Variants in BMP6 observed in about 807,000 individuals in gnomAD.
BMP6 encodes the protein bone morphogenetic protein 6, also known as VG-1-R.
Under a neutral mutation model 54.1 loss-of-function variants are expected in BMP6, and 17 were observed. The observed-to-expected ratio is 0.31, with a 90% CI of 0.22 to 0.47. The LOEUF (loss-of-function observed/expected upper bound fraction) is 0.47. Among genes scored for constraint, BMP6 ranks in the 20% least tolerant of loss-of-function variants. BMP6 has a pLI of 1.00. For synonymous variants in BMP6, 328 were observed against 291.2 expected (o/e 1.13, Z -1.28); for missense variants, 720 against 690.4 (o/e 1.04, Z -0.48).
chr6:7,823,600 C>T (rs767343515), intron 1 of BMP6, among the ~76,000 whole-genome samples: 17 of 152,146 alleles, frequency 1.1e-4, no homozygotes, highest in Non-Finnish European at 1.0e-4. Context: ...TGACCAGACA[C>T]GCTGTGTTAG....
intron 1 of BMP6, among the ~76,000 whole-genome samples, chr6:7,768,292 A>G (rs1757723835): frequency 1.3e-5 from 2 of 152,172 alleles, no homozygotes; most frequent in Non-Finnish European, 1.5e-5. Flanking sequence ...TTGTGAAAGC[A>G]TGCCCCTCCC....
chr6:7,742,313 A>G (rs1378498989), intron 1 of BMP6, among the ~76,000 whole-genome samples: 2 of 152,190 alleles, frequency 1.3e-5, no homozygotes, highest in Non-Finnish European at 2.9e-5. Flanking sequence ...CTGAGTCTCA[A>G]TTTAAATTTC....
Position 7,727,510 on chromosome 6 carries a change from G to A in BMP6, c.555G>A (p.Lys185=). Residue 185 remains lysine (K), a synonymous_variant, in exon 1 of 7, where the codon AAG becomes AAA. Coordinates refer to ENST00000283147, the MANE Select transcript of BMP6 (RefSeq NM_001718.6). The part of the protein sequence containing the change: ...PPGAAHPLNR[K]SLLAPGSGSG... ...GCGCCGCGCACCCGCTCAACCGCAA[G>A]AGCCTTCTGGCCCCCGGATCTGGCA... 7 of 1,596,906 alleles carry A rather than the reference G, an allele frequency of 4.4e-6. No individual in the cohort carries two copies. The highest frequency in any genetic ancestry group is 5.9e-6 in the Non-Finnish European group (7 of 1,177,798).
intron 2 of BMP6, among the ~76,000 whole-genome samples, chr6:7,850,626 T>G (rs561644578): frequency 1.3e-5 from 2 of 152,312 alleles, no homozygotes; most frequent in South Asian, 2.1e-4. Flanking sequence ...TTTTCCAGAA[T>G]TTTTAGTTTG....
chr6:7,738,529 G>C (rs1310849561), intron 1 of BMP6, among the ~76,000 whole-genome samples: 1 of 151,998 alleles, frequency 6.6e-6, no homozygotes, highest in African/African-American at 2.4e-5. Context: ...TAGCCCTCCC[G>C]CTTCTGTGCC....
chr6:7,755,829 G>A (rs528469724), intron 1 of BMP6, among the ~76,000 whole-genome samples: 22 of 152,214 alleles, frequency 1.4e-4, no homozygotes, highest in Middle Eastern at 3.4e-3. Flanking sequence ...GAGATTGACA[G>A]TATTTATTTC....
chr6:7,837,967 A>T (rs1758900044), intron 1 of BMP6, among the ~76,000 whole-genome samples: 1 of 152,210 alleles, frequency 6.6e-6, no homozygotes, highest in African/African-American at 2.4e-5. Flanking sequence ...GACTCTACAG[A>T]TAAGTCTGCC....
intron 4 of BMP6, among the ~76,000 whole-genome samples, chr6:7,872,293 TAA>T (rs3837027): frequency 9.3e-5 from 13 of 139,806 alleles, no homozygotes; most frequent in East Asian, 2.0e-4. Flanking sequence ...TCAATCTGTT[TAA>T]AAAAAAAAAA....
intron 1 of BMP6, among the ~76,000 whole-genome samples, chr6:7,765,077 C>T (rs1453567123): frequency 6.6e-6 from 1 of 152,214 alleles, no homozygotes; most frequent in African/African-American, 2.4e-5. Context: ...TTCCTCCCTG[C>T]TCCCACTTGC....
rs754995942 is a variant in BMP6, at chr6:7,727,586, G to C, written c.631G>C (p.Asp211His). The C allele has an allele frequency of 6.3e-7, 1 of 1,580,102 alleles. No individual in the cohort carries two copies. Among genetic ancestry groups the C allele is most frequent in the South Asian group, 1.1e-5 (1 of 88,128 alleles). Residue 211 changes from aspartate (D) to histidine (H), a missense_variant, in exon 1 of 7, where the codon GAC (aspartate) becomes CAC (histidine). Coordinates refer to ENST00000283147, the MANE Select transcript of BMP6 (RefSeq NM_001718.6). ...CGCGCAGGACAGCGCCTTCCTCAAC[G>C]ACGCGGACATGGTCATGAGCTTTGT... ...TSAQDSAFLN[D>H]ADMVMSFVNL...
chr6:7,751,523 T>C (rs1317396611), intron 1 of BMP6, among the ~76,000 whole-genome samples: 1 of 152,242 alleles, frequency 6.6e-6, no homozygotes, highest in East Asian at 1.9e-4. Flanking sequence ...TTTCAGAGTA[T>C]ATAATTGGGT....
At chr6:7,876,470 G>A (rs1011792633) in intron 4 of BMP6, among the ~76,000 whole-genome samples, 1 of 152,126 alleles carries the variant, frequency 6.6e-6, no homozygotes, top group African/African-American at 2.4e-5. Flanking sequence ...ATTCCTATTA[G>A]AAATTTGTTG....
At chr6:7,816,302 C>A (rs1247973906) in intron 1 of BMP6, among the ~76,000 whole-genome samples, 2 of 152,186 alleles carry the variant, frequency 1.3e-5, no homozygotes, top group Non-Finnish European at 2.9e-5. Flanking sequence ...AACTTGTGGG[C>A]TCTTCGTTTA....
chr6:7,813,658 AAAAAAAAAAAAC>A lies in BMP6; in HGVS notation c.665-31481_665-31470del, dbSNP rs1209462222. ...ACCCTGTCTCAAAAAAAAAAAAAAA[AAAAAAAAAAAAC>A]CCACCAAACCCAGTATAGAAAATAT... is the stretch of plus-strand genomic sequence containing the variant. On this transcript the variant is annotated intron_variant, in intron 1 of 6. Transcript: ENST00000283147. Among the ~76,000 whole-genome samples, 5 of 144,624 alleles carry A rather than the reference AAAAAAAAAAAAC, an allele frequency of 3.5e-5. 2 individuals are homozygous for A. The highest frequency in any genetic ancestry group is 4.4e-4 in the South Asian group (2 of 4,580). 94.9% of individuals were successfully genotyped at this position (144,624 alleles called of 152,430 possible).
intron 1 of BMP6, among the ~76,000 whole-genome samples, chr6:7,785,545 T>C (rs1385233026): frequency 2.0e-5 from 3 of 152,250 alleles, no homozygotes; most frequent in Non-Finnish European, 4.4e-5. Flanking sequence ...GAGGCACTTT[T>C]GTTTTCAACT....
chr6:7,817,372 A>T (rs1758543740), intron 1 of BMP6, among the ~76,000 whole-genome samples: 1 of 151,966 alleles, frequency 6.6e-6, no homozygotes, highest in Non-Finnish European at 1.5e-5. Flanking sequence ...ATGCACATAT[A>T]CACCATGGAA....
In BMP6 at chr6:7,728,537, A is replaced by T. The variant is rs531577097; in HGVS notation, c.664+918A>T. Among the ~76,000 whole-genome samples, 8 of 152,276 alleles carry T rather than the reference A, an allele frequency of 5.3e-5. No individual in the cohort carries two copies. The South Asian group carries it at 1.7e-3, about 32-fold the overall frequency. On this transcript the variant is annotated intron_variant, in intron 1 of 6. Transcript: ENST00000283147. The stretch of plus-strand genomic sequence containing the variant: ...CCCTCCCACCCCACTGAGTTTTCTC[A>T]TCTGTAAATGAGAAGGGTGCAGAGA...
chr6:7,759,522 C>T (rs1185804124), intron 1 of BMP6, among the ~76,000 whole-genome samples: 1 of 152,074 alleles, frequency 6.6e-6, no homozygotes, highest in East Asian at 1.9e-4. Context: ...TTTGCCTCAT[C>T]AGCAAAACAC....
chr6:7,867,955 G>A (rs1410841677), intron 4 of BMP6, among the ~76,000 whole-genome samples: 1 of 152,202 alleles, frequency 6.6e-6, no homozygotes, highest in Non-Finnish European at 1.5e-5. Flanking sequence ...ATAAGAAGAA[G>A]CTTATGCAGG....
Sources: allele counts gnomAD v4.1 joint callset (sites outside exome capture counted in the v4.1 genomes callset), GRCh38; gene constraint gnomAD v4.1.1; transcripts MANE v1.5; gene names NCBI Gene and HGNC (gene_info 2026-07-23, HGNC 2026-07-21).